Variants in PIGU observed in about 807,000 individuals in gnomAD.
PIGU encodes the protein GPI-anchor transamidase component PIGU.
PIGU carries 24 observed loss-of-function variants against 49.9 expected under a neutral mutation model. The observed-to-expected ratio is 0.48, with a 90% CI of 0.35 to 0.68. PIGU has a LOEUF of 0.68. Ranked by LOEUF, PIGU falls within the 30% of genes least tolerant of loss-of-function variation. The pLI is 0.01. For missense variants in PIGU, 490 were observed against 532.6 expected (o/e 0.92, Z 0.79); for synonymous variants, 220 against 205.7 (o/e 1.07, Z -0.59).
chr20:34,581,949 G>A (rs1450124799), intron 9 of PIGU, among the ~76,000 whole-genome samples: 1 of 152,212 alleles, frequency 6.6e-6, no homozygotes, highest in Non-Finnish European at 1.5e-5. Context: ...GCCTCTGCCA[G>A]CTCTGGGCCT....
At chr20:34,627,607 G>A (rs192188514) in intron 6 of PIGU, among the ~76,000 whole-genome samples, 154 of 151,706 alleles carry the variant, frequency 1.0e-3, no homozygotes, top group Non-Finnish European at 1.9e-3. Context: ...TTTTACGAGC[G>A]ACTCCTAGGA....
At chr20:34,629,409 A>G (rs1985616759) in intron 6 of PIGU, among the ~76,000 whole-genome samples, 1 of 152,174 alleles carries the variant, frequency 6.6e-6, no homozygotes, top group Non-Finnish European at 1.5e-5. Context: ...CTTGCTCACT[A>G]TTGTGCTTCT....
intron 1 of PIGU, among the ~76,000 whole-genome samples, chr20:34,667,523 G>A (rs1987141197): frequency 6.6e-6 from 1 of 151,006 alleles, no homozygotes; most frequent in Non-Finnish European, 1.5e-5. Context: ...AAGGGGTCAA[G>A]ATGAAAGCGG....
chr20:34,643,233 G>GAT (rs1215886835), intron 4 of PIGU, among the ~76,000 whole-genome samples: 1 of 152,004 alleles, frequency 6.6e-6, no homozygotes, highest in Non-Finnish European at 1.5e-5. Context: ...TGGAAACAAT[G>GAT]ATATACACAC....
intron 11 of PIGU, among the ~76,000 whole-genome samples, chr20:34,563,967 C>G (rs1291829961): frequency 6.6e-6 from 1 of 152,196 alleles, no homozygotes; most frequent in Non-Finnish European, 1.5e-5. Flanking sequence ...CTAAGAAAAG[C>G]ATCAGACAAA....
intron 1 of PIGU, among the ~76,000 whole-genome samples, chr20:34,663,923 T>G (rs1347369136): frequency 6.6e-6 from 1 of 152,162 alleles, no homozygotes; most frequent in African/African-American, 2.4e-5. Flanking sequence ...AGATGGAAAT[T>G]TTTGAGACAC....
At chr20:34,562,451 C>T in intron 11 of PIGU, 1 of 1,288,856 alleles carries the variant, frequency 7.8e-7, no homozygotes, top group Non-Finnish European at 1.0e-6. Context: ...GGTAACACAA[C>T]AGCAGCTAAG....
At chr20:34,591,286 G>A (rs1285021318) in intron 7 of PIGU, among the ~76,000 whole-genome samples, 1 of 151,974 alleles carries the variant, frequency 6.6e-6, no homozygotes, top group Non-Finnish European at 1.5e-5. Context: ...TAAAACAAAA[G>A]TGGATTAAGC....
chr20:34,585,046 G>A (rs1028962712), intron 9 of PIGU, among the ~76,000 whole-genome samples: 22 of 151,870 alleles, frequency 1.4e-4, no homozygotes, highest in African/African-American at 5.3e-4. Context: ...TGTTGTCCAG[G>A]CTGGTCTCAA....
At chr20:34,572,246 C>G (rs1983043486) in intron 11 of PIGU, among the ~76,000 whole-genome samples, 1 of 151,958 alleles carries the variant, frequency 6.6e-6, no homozygotes, top group Non-Finnish European at 1.5e-5. Context: ...ATTGACCAGC[C>G]TGGTCTCAAA....
chr20:34,674,597 G>A (rs1987432399), intron 1 of PIGU, among the ~76,000 whole-genome samples: 1 of 151,848 alleles, frequency 6.6e-6, no homozygotes, highest in South Asian at 2.1e-4. Flanking sequence ...AAGAATTCAG[G>A]AATGAATAAA....
At chr20:34,613,189 T>C (rs1385522293) in intron 7 of PIGU, among the ~76,000 whole-genome samples, 1 of 152,146 alleles carries the variant, frequency 6.6e-6, no homozygotes, top group African/African-American at 2.4e-5. Flanking sequence ...TTTACCCCTC[T>C]GACTTGATCT....
At chr20:34,601,844 T>C (rs1220787226) in intron 7 of PIGU, among the ~76,000 whole-genome samples, 1 of 152,244 alleles carries the variant, frequency 6.6e-6, no homozygotes, top group Admixed American at 6.5e-5. Context: ...CAATTCTTGC[T>C]TCCCAAATAA....
In PIGU at chr20:34,579,729, A is replaced by G. The variant is rs372294850; in HGVS notation, c.1051+1819T>C. ...GCCCTGCCAGCCAGCAAAAGCAACT[A>G]TTAGATCATTCAGGTTTCTGGAAAC... On this transcript the variant is annotated intron_variant, in intron 10 of 11. Transcript: ENST00000217446. Among the ~76,000 whole-genome samples the G allele has an allele frequency of 9.2e-5, 14 of 152,306 alleles. No homozygotes were observed. The East Asian group carries it at 1.7e-3, about 19-fold the overall frequency.
chr20:34,560,692 A>G lies in PIGU; in HGVS notation c.*174T>C. Reference sequence around the variant, plus strand: ...GTTGGGGAGCTCCCAGTTCTTCCCCATAGGCCTTGCTGTCAGTCAGCCATG... The same window carrying G: ...GTTGGGGAGCTCCCAGTTCTTCCCCGTAGGCCTTGCTGTCAGTCAGCCATG... On this transcript the variant is annotated 3_prime_UTR_variant, in exon 12 of 12. Transcript: ENST00000217446. The G allele has an allele frequency of 2.0e-6, 1 of 493,252 alleles. No homozygotes were observed. The highest frequency in any genetic ancestry group is 3.5e-6 in the Non-Finnish European group (1 of 282,042). 30.6% of individuals were successfully genotyped at this position (493,252 alleles called of 1,614,324 possible).
chr20:34,668,565 C>T (rs939332365), intron 1 of PIGU, among the ~76,000 whole-genome samples: 3 of 148,866 alleles, frequency 2.0e-5, no homozygotes, highest in East Asian at 2.0e-4. Flanking sequence ...GTCAGGAGAT[C>T]GAAACCATCC....
chr20:34,614,493 C>T (rs1287246779), intron 7 of PIGU, among the ~76,000 whole-genome samples: 1 of 151,634 alleles, frequency 6.6e-6, no homozygotes, highest in Non-Finnish European at 1.5e-5. Context: ...GGTGTGGTGG[C>T]ACACACCTGT....
chr20:34,620,019 CTT>C (rs1258071978), intron 6 of PIGU, among the ~76,000 whole-genome samples: 1 of 152,188 alleles, frequency 6.6e-6, no homozygotes, highest in African/African-American at 2.4e-5. Context: ...TCTCCAGCAG[CTT>C]TTCCCCCTCC....
intron 2 of PIGU, among the ~76,000 whole-genome samples, chr20:34,653,448 C>T (rs1664331843): frequency 6.6e-6 from 1 of 152,176 alleles, no homozygotes; most frequent in African/African-American, 2.4e-5. Flanking sequence ...TTTAGTATCG[C>T]TATCTCTTTT....
Sources: gnomAD v4.1 joint callset for allele counts (sites outside exome capture counted in the v4.1 genomes callset) on GRCh38, gnomAD v4.1.1 for gene constraint, MANE v1.5 for transcripts, NCBI Gene and HGNC (gene_info 2026-07-23, HGNC 2026-07-21) for gene names.